The following NEGR1 variants were observed in gnomAD, a reference collection of about 807,000 sequenced individuals.
NEGR1 encodes neuronal growth regulator 1.
In NEGR1, 10 loss-of-function variants were observed where a neutral mutation model predicts 40.9. The observed-to-expected ratio is 0.24, with a 90% CI of 0.15 to 0.42. NEGR1 has a LOEUF of 0.42. Ranked by LOEUF, NEGR1 falls within the 10% of genes least tolerant of loss-of-function variation. The pLI is 1.00. For missense variants in NEGR1, 352 were observed against 438.9 expected, an observed-to-expected ratio of 0.80 and a Z score of 1.77; for synonymous variants, 185 against 166.8, an observed-to-expected ratio of 1.11 and a Z score of -0.84.
intron 4 of NEGR1, among the ~76,000 whole-genome samples, chr1:71,675,068 A>T (rs1163325347): frequency 6.9e-6 from 1 of 144,752 alleles, no homozygotes; most frequent in Non-Finnish European, 1.5e-5. Flanking sequence ...TATGTGATCT[A>T]TATATGTGAT....
chr1:71,487,543 C>G (rs559726029), intron 6 of NEGR1, among the ~76,000 whole-genome samples: 2 of 151,710 alleles, frequency 1.3e-5, no homozygotes, highest in African/African-American at 2.4e-5. Context: ...TTTGCACACT[C>G]GGTTCCACAC....
chr1:72,184,595 G>T (rs1420337119), intron 1 of NEGR1, among the ~76,000 whole-genome samples: 6 of 151,914 alleles, frequency 3.9e-5, no homozygotes, highest in African/African-American at 1.4e-4. Flanking sequence ...AGAAGAAGAT[G>T]ATTAGATAAA....
chr1:71,928,385 T>C (rs1177277038), intron 2 of NEGR1, among the ~76,000 whole-genome samples: 1 of 144,518 alleles, frequency 6.9e-6, no homozygotes, highest in Non-Finnish European at 1.5e-5. Flanking sequence ...TATGTATATA[T>C]ACACACATAT....
At chr1:71,497,188 T>C (rs1471383619) in intron 6 of NEGR1, among the ~76,000 whole-genome samples, 1 of 152,192 alleles carries the variant, frequency 6.6e-6, no homozygotes, top group Non-Finnish European at 1.5e-5. Flanking sequence ...TGCTGATCAA[T>C]TGATAGACGT....
chr1:71,848,470 A>G (rs1262697685), intron 2 of NEGR1, among the ~76,000 whole-genome samples: 1 of 152,180 alleles, frequency 6.6e-6, no homozygotes, highest in Non-Finnish European at 1.5e-5. Context: ...CTCATTTACC[A>G]TTCTGAAAAT....
intron 3 of NEGR1, among the ~76,000 whole-genome samples, chr1:71,761,085 T>G (rs1221345999): frequency 1.3e-5 from 2 of 152,210 alleles, no homozygotes; most frequent in Non-Finnish European, 2.9e-5. Flanking sequence ...CTATTTAAGA[T>G]AATTACAGAA....
chr1:71,686,058 C>T (rs796790712), intron 4 of NEGR1, among the ~76,000 whole-genome samples: 10 of 151,770 alleles, frequency 6.6e-5, no homozygotes, highest in African/African-American at 2.4e-4. Context: ...CACTATGACT[C>T]ACAAAATTTG....
At chr1:72,198,812 C>T (rs534996181) in intron 1 of NEGR1, among the ~76,000 whole-genome samples, 52 of 152,002 alleles carry the variant, frequency 3.4e-4, no homozygotes, top group Non-Finnish European at 6.0e-4. Context: ...AAGATTGCCT[C>T]AAATATTTAT....
chr1:71,433,930 T>A (rs1028573106), intron 6 of NEGR1, among the ~76,000 whole-genome samples: 6 of 152,234 alleles, frequency 3.9e-5, no homozygotes, highest in Non-Finnish European at 7.3e-5. Context: ...CAAAATATAC[T>A]TTTAAATACC....
intron 2 of NEGR1, among the ~76,000 whole-genome samples, chr1:71,779,654 G>A (rs2101722173): frequency 6.6e-6 from 1 of 151,884 alleles, no homozygotes. Context: ...TGCAACTCCT[G>A]CCTCTCGGGT....
chr1:72,224,047 A>G (rs1654097719), intron 1 of NEGR1, among the ~76,000 whole-genome samples: 1 of 152,150 alleles, frequency 6.6e-6, no homozygotes, highest in Admixed American at 6.6e-5. Flanking sequence ...TATGCTGATA[A>G]GTGACAACAT....
chr1:71,881,466 T>C (rs1176078794), intron 2 of NEGR1, among the ~76,000 whole-genome samples: 2 of 152,086 alleles, frequency 1.3e-5, no homozygotes, highest in Non-Finnish European at 2.9e-5. Flanking sequence ...TCAACTCAAT[T>C]AGGCTTTTGC....
At chr1:71,645,005 A>G (rs944884118) in intron 4 of NEGR1, among the ~76,000 whole-genome samples, 7 of 151,954 alleles carry the variant, frequency 4.6e-5, no homozygotes, top group Non-Finnish European at 8.8e-5. Context: ...GTACTCACAC[A>G]ATTTACACAT....
chr1:72,083,590 T>C (rs1030193580), intron 1 of NEGR1, among the ~76,000 whole-genome samples: 20 of 151,924 alleles, frequency 1.3e-4, no homozygotes, highest in African/African-American at 4.6e-4. Context: ...TAGAATTCGA[T>C]AGAAAAAAAA....
intron 2 of NEGR1, among the ~76,000 whole-genome samples, chr1:71,857,520 T>G (rs1481353083): frequency 6.8e-6 from 1 of 146,746 alleles, no homozygotes; most frequent in Non-Finnish European, 1.5e-5. Flanking sequence ...CCCAGCTACT[T>G]GAGGATCTGA....
At chr1:72,192,994 C>T (rs1369495781) in intron 1 of NEGR1, among the ~76,000 whole-genome samples, 3 of 151,674 alleles carry the variant, frequency 2.0e-5, no homozygotes, top group Non-Finnish European at 4.4e-5. Flanking sequence ...TAATTTTGAG[C>T]TCTGATTTTT....
intron 4 of NEGR1, among the ~76,000 whole-genome samples, chr1:71,618,520 G>C (rs1384885470): frequency 6.6e-6 from 1 of 152,060 alleles, no homozygotes. Context: ...GGAGTAGACT[G>C]GAAAAGCAAC....
In NEGR1 at chr1:72,157,607, G is replaced by A. The variant is rs571998962; in HGVS notation, c.176+124712C>T. On this transcript the variant is annotated intron_variant, in intron 1 of 6. Coordinates refer to ENST00000357731, the MANE Select transcript of NEGR1 (RefSeq NM_173808.3). ...AAAAGCATTGTTTTTAATATGAAGA[G>A]GTTATCTCTTAAATCTGAGCCAGGC... 3.9e-5 allele frequency among the ~76,000 whole-genome samples: 6 copies of A among 152,148 alleles called. 1 individual carries two copies. The highest frequency in any genetic ancestry group is 3.9e-4 in the Admixed American group (6 of 15,244).
At chr1:71,748,720 C>T (rs72946003) in intron 3 of NEGR1, among the ~76,000 whole-genome samples, 2 of 151,824 alleles carry the variant, frequency 1.3e-5, no homozygotes, top group Admixed American at 6.6e-5. Context: ...AAGGACTATT[C>T]GGTGCTCACA....
Sources: allele counts gnomAD v4.1 joint callset (sites outside exome capture counted in the v4.1 genomes callset), GRCh38; gene constraint gnomAD v4.1.1; transcripts MANE v1.5; gene names NCBI Gene and HGNC (gene_info 2026-07-23, HGNC 2026-07-21).